Variants in CNTNAP2 observed in about 807,000 individuals in gnomAD.
The protein encoded by CNTNAP2 is contactin-associated protein-like 2.
CNTNAP2 carries 98 observed loss-of-function variants against 155.2 expected under a neutral mutation model. The observed-to-expected ratio is 0.63, with a 90% confidence interval of 0.54 to 0.75. CNTNAP2 has a LOEUF of 0.75. Among genes scored for constraint, CNTNAP2 ranks in the 30% least tolerant of loss-of-function variants. The pLI is 0.00. For synonymous variants in CNTNAP2, 651 were observed against 631.2 expected, an observed-to-expected ratio of 1.03 and a Z score of -0.47; for missense variants, 1,727 against 1,688.1, an observed-to-expected ratio of 1.02 and a Z score of -0.40.
chr7:146,584,901 A>G (rs1220890955), intron 1 of CNTNAP2, among the ~76,000 whole-genome samples: 1 of 152,148 alleles, frequency 6.6e-6, no homozygotes, highest in African/African-American at 2.4e-5. Flanking sequence ...ACTCAAAAAT[A>G]TTAGAGTTAA....
intron 15 of CNTNAP2, among the ~76,000 whole-genome samples, chr7:148,081,997 T>C (rs1803617335): frequency 6.6e-6 from 1 of 152,020 alleles, no homozygotes; most frequent in African/African-American, 2.4e-5. Flanking sequence ...GTTTTATAGA[T>C]ATGGGAGTCT....
chr7:147,228,773 A>G (rs548073043), intron 8 of CNTNAP2, among the ~76,000 whole-genome samples: 34 of 152,214 alleles, frequency 2.2e-4, no homozygotes, highest in African/African-American at 7.9e-4. Context: ...CGTCATCTAC[A>G]TTAGGTATTT....
intron 9 of CNTNAP2, among the ~76,000 whole-genome samples, chr7:147,347,425 T>TATATATATATGCATATATATATATATGC (rs1377882526): frequency 2.1e-5 from 1 of 47,164 alleles, no homozygotes; most frequent in African/African-American, 8.1e-5. Context: ...AAAGATTATA[T>TATATATATATGCATATATATATATATGC]ATATATATAT....
At chr7:146,564,665 T>C (rs972688708) in intron 1 of CNTNAP2, among the ~76,000 whole-genome samples, 14 of 151,050 alleles carry the variant, frequency 9.3e-5, no homozygotes, top group African/African-American at 3.1e-4. Flanking sequence ...ATAGCTTACT[T>C]CAATTTTATT....
intron 1 of CNTNAP2, among the ~76,000 whole-genome samples, chr7:146,560,850 T>C (rs950909760): frequency 6.6e-6 from 1 of 152,142 alleles, no homozygotes; most frequent in East Asian, 1.9e-4. Context: ...TATCTGATCA[T>C]CTATTGGTCT....
At chr7:147,444,730 AG>A (rs1304007342) in intron 10 of CNTNAP2, among the ~76,000 whole-genome samples, 3 of 152,192 alleles carry the variant, frequency 2.0e-5, no homozygotes, top group Non-Finnish European at 4.4e-5. Flanking sequence ...AAGAGGAACC[AG>A]GGAGATAGCA....
chr7:148,059,824 AAGTT>A (rs557503006), intron 15 of CNTNAP2, among the ~76,000 whole-genome samples: 29 of 151,256 alleles, frequency 1.9e-4, no homozygotes, highest in African/African-American at 6.0e-4. Flanking sequence ...AGTCTGCACT[AAGTT>A]AGAATATATC....
intron 15 of CNTNAP2, among the ~76,000 whole-genome samples, chr7:148,099,421 TTGTGTGTGTGTGTG>T (rs35957905): frequency 1.3e-4 from 18 of 141,030 alleles, no homozygotes; most frequent in Middle Eastern, 3.6e-3. Flanking sequence ...AGCATTGCAA[TTGTGTGTGTGTGTG>T]TGTGTGTGTG....
chr7:147,118,895 G>C (rs1477911459), intron 5 of CNTNAP2, among the ~76,000 whole-genome samples: 1 of 152,112 alleles, frequency 6.6e-6, no homozygotes, highest in Non-Finnish European at 1.5e-5. Flanking sequence ...ATTATTTTTA[G>C]AGGTGGAAAT....
intron 20 of CNTNAP2, among the ~76,000 whole-genome samples, chr7:148,233,163 A>G (rs572671142): frequency 7.2e-5 from 11 of 152,346 alleles, no homozygotes; most frequent in African/African-American, 2.6e-4. Context: ...AAATTATGTC[A>G]ATTAGCATGA....
intron 12 of CNTNAP2, among the ~76,000 whole-genome samples, chr7:147,602,294 A>G (rs930154069): frequency 6.6e-6 from 1 of 151,628 alleles, no homozygotes; most frequent in Non-Finnish European, 1.5e-5. Flanking sequence ...TTTGTTTTCT[A>G]GTATTCTCCA....
chr7:147,530,341 G>A (rs1003081384), intron 11 of CNTNAP2, among the ~76,000 whole-genome samples: 6 of 151,952 alleles, frequency 3.9e-5, no homozygotes, highest in African/African-American at 1.2e-4. Flanking sequence ...CTCCGTGCCT[G>A]GCTAATTTTT....
At chr7:147,294,767 T>C (rs2116756632) in intron 8 of CNTNAP2, among the ~76,000 whole-genome samples, 1 of 152,202 alleles carries the variant, frequency 6.6e-6, no homozygotes, top group Middle Eastern at 3.4e-3. Context: ...CAAGCAATTC[T>C]CCTGCCTCAG....
chr7:147,913,445 C>T (rs1800103387), intron 14 of CNTNAP2, among the ~76,000 whole-genome samples: 1 of 152,120 alleles, frequency 6.6e-6, no homozygotes, highest in South Asian at 2.1e-4. Context: ...CCACTGCTTC[C>T]ATTCCACCTG....
At chr7:146,404,160 T>A (rs995545505) in intron 1 of CNTNAP2, among the ~76,000 whole-genome samples, 1 of 150,156 alleles carries the variant, frequency 6.7e-6, no homozygotes, top group Non-Finnish European at 1.5e-5. Flanking sequence ...CTTGGCCTCT[T>A]GGTTTTAGTG....
intron 1 of CNTNAP2, among the ~76,000 whole-genome samples, chr7:146,358,165 G>C (rs1374999331): frequency 1.2e-4 from 19 of 152,076 alleles, no homozygotes. Context: ...CTCCCGAGTA[G>C]CTGGGAGTAC....
rs192907223 is a variant in CNTNAP2 at position 147,456,821 on chromosome 7, T to C, written c.1671-29114T>C. ...AGGAGACATTTAAAAGGATCAACCATATTAATGGCTGGAATCAAACATTTG... is the reference window on the plus strand; with the variant it reads ...AGGAGACATTTAAAAGGATCAACCACATTAATGGCTGGAATCAAACATTTG... On this transcript the variant is annotated intron_variant, in intron 10 of 23. Transcript: ENST00000361727. Among the ~76,000 whole-genome samples, 11 of 152,270 alleles carry C rather than the reference T, an allele frequency of 7.2e-5. No homozygotes were observed. The East Asian group carries it at 2.1e-3, about 29-fold the overall frequency.
In CNTNAP2 at chr7:146,508,139, G is replaced by A. The variant is rs1797412447; in HGVS notation, c.98-266132G>A. ...GAATTGTAGGGTTTGTGCATTCCAT[G>A]CACTATCTGCACCTCCTCTAACATC... On this transcript the variant is annotated intron_variant, in intron 1 of 23. Coordinates refer to ENST00000361727, the MANE Select transcript of CNTNAP2 (RefSeq NM_014141.6). 2.0e-5 allele frequency among the ~76,000 whole-genome samples: 3 copies of A among 152,324 alleles called. No homozygotes were observed. In the South Asian group the frequency reaches 6.2e-4, roughly 32 times the overall value.
chr7:147,009,905 T>C (rs1798592359), intron 3 of CNTNAP2, among the ~76,000 whole-genome samples: 2 of 152,160 alleles, frequency 1.3e-5, no homozygotes, highest in African/African-American at 4.8e-5. Flanking sequence ...TACATACTGA[T>C]GTAAATTTCT....
Sources: allele counts gnomAD v4.1 joint callset (sites outside exome capture counted in the v4.1 genomes callset), GRCh38; gene constraint gnomAD v4.1.1; transcripts MANE v1.5; gene names NCBI Gene and HGNC (gene_info 2026-07-23, HGNC 2026-07-21).